The following TRMT9B variants were observed in gnomAD, a reference collection of about 807,000 sequenced individuals.
TRMT9B encodes the protein tRNA methyltransferase 9B (putative).
A neutral mutation model predicts 11.5 loss-of-function variants in TRMT9B; 16 were observed. That is an observed-to-expected ratio of 1.39 (90% CI 0.94 to 2.11). The LOEUF (loss-of-function observed/expected upper bound fraction) is 2.11, where lower values mean the gene tolerates loss of function less well. Ranked by LOEUF, TRMT9B falls within the 30% of genes most tolerant of loss-of-function variation. The pLI is 0.00. For missense variants in TRMT9B, 941 were observed against 553.8 expected (o/e 1.70, Z -7.02); for synonymous variants, 274 against 192.4 (o/e 1.42, Z -3.51).
At chr8:12,974,485 T>C (rs780127025) in intron 1 of TRMT9B, among the ~76,000 whole-genome samples, 5 of 152,188 alleles carry the variant, frequency 3.3e-5, no homozygotes, top group Non-Finnish European at 7.3e-5. Flanking sequence ...TGGGCCTGCC[T>C]GAATTTCATT....
At chr8:12,997,526 A>T (rs765033211) in intron 2 of TRMT9B, among the ~76,000 whole-genome samples, 1 of 152,154 alleles carries the variant, frequency 6.6e-6, no homozygotes, top group Admixed American at 6.5e-5. Context: ...CAGCAACACG[A>T]AATGGACTAA....
chr8:13,006,425 AGCCTCATCGCTGACATAGGTAACCAGGC>A, intron 3 of TRMT9B, 69 bp downstream of exon 3: 1 of 1,537,780 alleles, frequency 6.5e-7, no homozygotes, highest in Non-Finnish European at 8.7e-7. Context: ...GTAACCAGGC[AGCCTCATCGCTGACATAGGTAACCAGGC>A]AGCCTCATTG....
rs1265083566 is a variant in TRMT9B, at chr8:12,960,422, GTT to G, written c.-200+14457_-200+14458del. On this transcript the variant is annotated intron_variant, in intron 1 of 4. Transcript: ENST00000524591. ...CTTACGGCAGCCCAGAATGGACAGT[GTT>G]CCCAGGCCTGCTCTCCTTGGACTGT... is the stretch of plus-strand genomic sequence containing the variant. The G allele has an allele frequency of 2.0e-5, 3 of 152,300 alleles. No homozygotes were observed. In the East Asian group the frequency reaches 5.8e-4, roughly 29 times the overall value. 9.4% of individuals were successfully genotyped at this position (152,300 alleles called of 1,614,324 possible). A position where few individuals can be genotyped will look rare whatever the true frequency, so the allele number is the denominator to read the frequency against.
chr8:12,953,324 A>G (rs1309451368), intron 1 of TRMT9B, among the ~76,000 whole-genome samples: 1 of 152,148 alleles, frequency 6.6e-6, no homozygotes, highest in Non-Finnish European at 1.5e-5. Flanking sequence ...GGAAGCCTTT[A>G]TCTTTCTATT....
chr8:12,986,524 C>T (rs1470872193), intron 1 of TRMT9B, among the ~76,000 whole-genome samples: 1 of 152,194 alleles, frequency 6.6e-6, no homozygotes, highest in Non-Finnish European at 1.5e-5. Context: ...AATCAGTTAC[C>T]AGTATCTAGA....
chr8:12,978,286 A>G (rs1348216085), intron 1 of TRMT9B, among the ~76,000 whole-genome samples: 1 of 152,318 alleles, frequency 6.6e-6, no homozygotes, highest in Non-Finnish European at 1.5e-5. Context: ...GGCATTATCG[A>G]TCAGCCCAAG....
In TRMT9B at chr8:13,010,580, C is replaced by G. The variant is rs954109535; in HGVS notation, c.155-2104C>G. 7 of 985,298 alleles carry G rather than the reference C, an allele frequency of 7.1e-6. No homozygotes were observed. In the East Asian group the frequency reaches 3.4e-4, roughly 48 times the overall value. 61.0% of individuals were successfully genotyped at this position (985,298 alleles called of 1,614,324 possible). A position where few individuals can be genotyped will look rare whatever the true frequency, so the allele number is the denominator to read the frequency against. ...AATGAATAGGGGCAAATCAAGAGTT[C>G]TAGGGCACTGGAAGCATGTCAGGAG... On this transcript the variant is annotated intron_variant, in intron 3 of 4. Transcript: ENST00000524591.
At position 13,024,009 on chromosome 8, in the gene TRMT9B, T is replaced by C. The variant is rs1172191094; in HGVS notation, c.*1965T>C. On this transcript the variant is annotated 3_prime_UTR_variant, in exon 5 of 5. Transcript: ENST00000524591. The stretch of plus-strand genomic sequence containing the variant: ...ATTGAAAACATATATAAGTGGAGTA[T>C]AAATTAAAAATTAATTTGGTTTCTT... The C allele has an allele frequency of 9.7e-5, 16 of 165,620 alleles. No individual in the cohort carries two copies. The East Asian group carries it at 1.2e-3, about 12-fold the overall frequency. The allele number at this position is 165,620 out of a possible 1,614,324, so 10.3% of individuals were successfully genotyped here. A position where few individuals can be genotyped will look rare whatever the true frequency, so the allele number is the denominator to read the frequency against.
intron 4 of TRMT9B, among the ~76,000 whole-genome samples, chr8:13,018,441 CCAAT>C (rs1420053346): frequency 6.6e-6 from 1 of 150,926 alleles, no homozygotes; most frequent in African/African-American, 2.4e-5. Flanking sequence ...ACTTTGAAGT[CCAAT>C]CAAATTCTGA....
At chr8:13,019,856 G>A (rs2128901741) in intron 4 of TRMT9B, among the ~76,000 whole-genome samples, 1 of 152,254 alleles carries the variant, frequency 6.6e-6, no homozygotes, top group East Asian at 1.9e-4. Flanking sequence ...GAAATACACT[G>A]GTGTGTTGTT....
chr8:12,967,682 T>C (rs1243209481), intron 1 of TRMT9B, among the ~76,000 whole-genome samples: 5 of 152,172 alleles, frequency 3.3e-5, no homozygotes, highest in Non-Finnish European at 7.3e-5. Flanking sequence ...AGTAGTCACT[T>C]CCATAGTAGA....
chr8:12,953,479 A>G (rs1029654003), intron 1 of TRMT9B, among the ~76,000 whole-genome samples: 2 of 152,074 alleles, frequency 1.3e-5, no homozygotes, highest in African/African-American at 4.8e-5. Flanking sequence ...CCTCCCCAGT[A>G]GCTGGGATTA....
intron 1 of TRMT9B, among the ~76,000 whole-genome samples, chr8:12,956,013 G>T (rs1377185477): frequency 2.0e-5 from 3 of 152,186 alleles, no homozygotes; most frequent in Non-Finnish European, 4.4e-5. Context: ...GGAAGCTGGT[G>T]ACTGAACATT....
intron 3 of TRMT9B, 67 bp downstream of exon 3, chr8:13,006,423 G>A (rs984500225): frequency 1.4e-5 from 21 of 1,532,396 alleles, no homozygotes; most frequent in Non-Finnish European, 1.8e-5. Flanking sequence ...AGGTAACCAG[G>A]CAGCCTCATC....
intron 1 of TRMT9B, among the ~76,000 whole-genome samples, chr8:12,988,794 T>A (rs1806793100): frequency 6.6e-6 from 1 of 152,134 alleles, no homozygotes; most frequent in East Asian, 1.9e-4. Flanking sequence ...CCATATCAAT[T>A]CTATTATTTT....
chr8:12,959,516 C>CTT (rs61536433), intron 1 of TRMT9B, among the ~76,000 whole-genome samples: 26,655 of 73,326 alleles, frequency 0.36, 7,119 homozygotes, highest in Middle Eastern at 0.52. Flanking sequence ...TTTTTCCTTC[C>CTT]TTTTTTTTTT....
intron 2 of TRMT9B, among the ~76,000 whole-genome samples, chr8:13,003,925 T>A (rs13267115): frequency 0.049 from 7,404 of 151,360 alleles, 225 homozygotes; most frequent in South Asian, 0.089. Context: ...AGTCTTGATA[T>A]GCCCATGCCA....
chr8:13,022,729 T>G lies in TRMT9B; in HGVS notation c.*685T>G, dbSNP rs1216522929. 5 of 167,122 alleles carry G rather than the reference T, an allele frequency of 3.0e-5. No individual in the cohort carries two copies. Among genetic ancestry groups the G allele is most frequent in the Non-Finnish European group, 5.9e-5 (4 of 68,212 alleles). The allele number at this position is 167,122 out of a possible 1,614,324, so 10.4% of individuals were successfully genotyped here. A position where few individuals can be genotyped will look rare whatever the true frequency, so the allele number is the denominator to read the frequency against. ...CTGTTAGGCTGAGCATGGTGGCTCA[T>G]GCCTGTAATCCCAGCACTTTGGGAG... is the stretch of plus-strand genomic sequence containing the variant. On this transcript the variant is annotated 3_prime_UTR_variant, in exon 5 of 5. Transcript: ENST00000524591.
chr8:13,019,048 C>T (rs1019765588), intron 4 of TRMT9B, among the ~76,000 whole-genome samples: 5 of 152,092 alleles, frequency 3.3e-5, no homozygotes, highest in African/African-American at 9.7e-5. Flanking sequence ...TCAAGTTGCC[C>T]CTCTGCATTC....
Sources: allele counts gnomAD v4.1 joint callset (sites outside exome capture counted in the v4.1 genomes callset), GRCh38; gene constraint gnomAD v4.1.1; transcripts MANE v1.5; gene names NCBI Gene and HGNC (gene_info 2026-07-23, HGNC 2026-07-21).